The following PTPRJ variants were observed in gnomAD, a reference collection of about 807,000 sequenced individuals.
PTPRJ encodes the protein protein tyrosine phosphatase receptor type J.
In PTPRJ, 129 loss-of-function variants were observed where a neutral mutation model predicts 141.3. The observed-to-expected ratio is 0.91, with a 90% CI of 0.79 to 1.06. The LOEUF (loss-of-function observed/expected upper bound fraction) is 1.06, where lower values mean the gene tolerates loss of function less well. Ranked by LOEUF, PTPRJ falls within the 50% of genes least tolerant of loss-of-function variation. The pLI, the probability that PTPRJ is intolerant of heterozygous loss-of-function variation, is 0.00. For synonymous variants in PTPRJ, 610 were observed against 640.5 expected, an observed-to-expected ratio of 0.95 and a Z score of 0.72; for missense variants, 1,601 against 1,679.7, an observed-to-expected ratio of 0.95 and a Z score of 0.82.
rs1857983156 is a variant in PTPRJ, at chr11:48,168,632, T to A, written c.*1270T>A. 1 of 139,302 alleles carries A rather than the reference T, an allele frequency of 7.2e-6. No individual in the cohort carries two copies. Among genetic ancestry groups the A allele is most frequent in the Admixed American group, 7.4e-5 (1 of 13,538 alleles). The allele number at this position is 139,302 out of a possible 1,614,324, so 8.6% of individuals were successfully genotyped here. On this transcript the variant is annotated 3_prime_UTR_variant, in exon 25 of 25. Coordinates refer to ENST00000418331, the MANE Select transcript of PTPRJ (RefSeq NM_002843.4). The stretch of plus-strand genomic sequence containing the variant: ...TCCTATGAATTGAGGTGTACAAAGT[T>A]TGAATTTGTATCAAAGATGTAATTA...
At chr11:48,134,395 T>G (rs1296939014) in intron 8 of PTPRJ, among the ~76,000 whole-genome samples, 1 of 152,172 alleles carries the variant, frequency 6.6e-6, no homozygotes, top group Non-Finnish European at 1.5e-5. Context: ...ATATTTAGGT[T>G]GTTTCTAGGT....
chr11:47,999,130 T>A (rs1854423774), intron 1 of PTPRJ, among the ~76,000 whole-genome samples: 1 of 152,216 alleles, frequency 6.6e-6, no homozygotes, highest in Non-Finnish European at 1.5e-5. Context: ...GGGCCCTGTA[T>A]AGAAGGGATT....
At chr11:48,072,555 TG>T (rs1181958579) in intron 1 of PTPRJ, among the ~76,000 whole-genome samples, 1 of 152,206 alleles carries the variant, frequency 6.6e-6, no homozygotes, top group Non-Finnish European at 1.5e-5. Flanking sequence ...TGCTTTGTAC[TG>T]GGGTGTATTT....
chr11:48,154,595 T>G (rs1857558633), intron 19 of PTPRJ, among the ~76,000 whole-genome samples: 1 of 152,224 alleles, frequency 6.6e-6, no homozygotes, highest in Non-Finnish European at 1.5e-5. Context: ...CATGTTCTGA[T>G]GGAGCTGAAA....
In PTPRJ at chr11:48,110,038, G is replaced by GT. The variant is rs769854396; in HGVS notation, c.97-16dup. On this transcript the variant is annotated intron_variant, in intron 1 of 24. Transcript: ENST00000418331. ...TGGCTGAATGAATCTGCTGACTTCC[G>GT]TTTTCTTTTTCTGTTTCAGATCCTG... 1 of 1,613,602 alleles carries GT rather than the reference G, an allele frequency of 6.2e-7. No homozygotes were observed. The highest frequency in any genetic ancestry group is 1.1e-5 in the South Asian group (1 of 91,068).
chr11:48,045,025 A>G (rs1854354661), intron 1 of PTPRJ, among the ~76,000 whole-genome samples: 1 of 152,124 alleles, frequency 6.6e-6, no homozygotes, highest in Non-Finnish European at 1.5e-5. Context: ...CAGGAGTAGG[A>G]TCAGGTTTTG....
chr11:48,133,928 T>G (rs1489552211), intron 8 of PTPRJ, among the ~76,000 whole-genome samples: 1 of 152,180 alleles, frequency 6.6e-6, no homozygotes, highest in African/African-American at 2.4e-5. Flanking sequence ...GAAATTAGAA[T>G]AGAGGTTACC....
chr11:48,117,983 C>A (rs1311986972), intron 3 of PTPRJ, among the ~76,000 whole-genome samples: 2 of 152,110 alleles, frequency 1.3e-5, no homozygotes, highest in African/African-American at 4.8e-5. Context: ...TTGCCATATA[C>A]CATTTACTAT....
intron 11 of PTPRJ, among the ~76,000 whole-genome samples, chr11:48,141,975 G>A (rs1473377552): frequency 2.0e-5 from 3 of 149,336 alleles, no homozygotes; most frequent in Non-Finnish European, 4.4e-5. Context: ...ACAGTGTACA[G>A]CTTTAGGTCT....
At chr11:48,089,827 C>T (rs1855820116) in intron 1 of PTPRJ, among the ~76,000 whole-genome samples, 1 of 152,164 alleles carries the variant, frequency 6.6e-6, no homozygotes, top group African/African-American at 2.4e-5. Flanking sequence ...GCCAGACTGC[C>T]CTGTTCCAGG....
chr11:48,019,844 G>A (rs1855063689), intron 1 of PTPRJ, among the ~76,000 whole-genome samples: 1 of 152,126 alleles, frequency 6.6e-6, no homozygotes, highest in Non-Finnish European at 1.5e-5. Context: ...GGACAGGCGA[G>A]GAACCATAAA....
At chr11:48,057,836 C>T (rs1185375379) in intron 1 of PTPRJ, among the ~76,000 whole-genome samples, 3 of 152,084 alleles carry the variant, frequency 2.0e-5, no homozygotes. Flanking sequence ...TGGTTCTAGC[C>T]AGTTTTCTTC....
At chr11:48,166,647 A>AT (rs1299448546) in intron 24 of PTPRJ, among the ~76,000 whole-genome samples, 11 of 151,600 alleles carry the variant, frequency 7.3e-5, no homozygotes, top group South Asian at 4.2e-4. Context: ...CTTCTCTGTG[A>AT]TTTTTTTTCT....
At chr11:47,982,289 G>A (rs1280736704) in intron 1 of PTPRJ, among the ~76,000 whole-genome samples, 2 of 152,236 alleles carry the variant, frequency 1.3e-5, no homozygotes, top group Non-Finnish European at 2.9e-5. Context: ...TCCAGGGCCG[G>A]GCCACAGGGC....
chr11:48,000,924 G>A (rs1010762098), intron 1 of PTPRJ, among the ~76,000 whole-genome samples: 1 of 151,324 alleles, frequency 6.6e-6, no homozygotes, highest in Non-Finnish European at 1.5e-5. Context: ...ACCCTGACAT[G>A]GAGCTGGTAT....
chr11:48,007,758 A>T (rs904569823), intron 1 of PTPRJ, among the ~76,000 whole-genome samples: 3 of 152,194 alleles, frequency 2.0e-5, no homozygotes, highest in Non-Finnish European at 4.4e-5. Flanking sequence ...AGCTGGTAGG[A>T]GCTGTACTTG....
intron 6 of PTPRJ, among the ~76,000 whole-genome samples, chr11:48,126,811 C>A (rs1008983395): frequency 2.3e-5 from 3 of 128,754 alleles, no homozygotes; most frequent in African/African-American, 3.5e-5. Context: ...CACACACACA[C>A]ACACACACAG....
At chr11:48,003,507 A>G (rs1854552042) in intron 1 of PTPRJ, among the ~76,000 whole-genome samples, 2 of 151,900 alleles carry the variant, frequency 1.3e-5, no homozygotes, top group Non-Finnish European at 1.5e-5. Context: ...TTATTGAGTT[A>G]TTTACTTGAG....
chr11:47,985,579 G>A (rs1854028517), intron 1 of PTPRJ, among the ~76,000 whole-genome samples: 1 of 152,206 alleles, frequency 6.6e-6, no homozygotes, highest in South Asian at 2.1e-4. Context: ...CGGAGCCAGG[G>A]CTGATGTCTC....
Sources: allele counts gnomAD v4.1 joint callset (sites outside exome capture counted in the v4.1 genomes callset), GRCh38; gene constraint gnomAD v4.1.1; transcripts MANE v1.5; gene names NCBI Gene and HGNC (gene_info 2026-07-23, HGNC 2026-07-21).